PWWP2A: variants seen among roughly 807,000 people sequenced by gnomAD.
PWWP2A encodes PWWP domain-containing protein 2A.
PWWP2A carries 18 observed loss-of-function variants against 48.5 expected under a neutral mutation model. That is an observed-to-expected ratio of 0.37 (90% CI 0.26 to 0.55). The LOEUF (loss-of-function observed/expected upper bound fraction) is 0.55, where lower values mean the gene tolerates loss of function less well. PWWP2A is among the 20% of genes least tolerant of loss of function. PWWP2A has a pLI of 0.81. For synonymous variants in PWWP2A, 396 were observed against 387.7 expected, an observed-to-expected ratio of 1.02 and a Z score of -0.25; for missense variants, 867 against 976.4, an observed-to-expected ratio of 0.89 and a Z score of 1.49.
At position 160,093,301 on chromosome 5, in the gene PWWP2A, T is replaced by G. The variant is rs1167231183; in HGVS notation, c.1349A>C (p.Lys450Thr). 1 of 1,613,894 alleles carries G rather than the reference T, an allele frequency of 6.2e-7. No individual in the cohort carries two copies. The highest frequency in any genetic ancestry group is 1.7e-5 in the Admixed American group (1 of 60,000). ...GAAATGGACTTTTGAATGTGCATTT[T>G]TGGAAGTAGAGGTTTCATTTTGCTT... ...QKKQNETSTS[K>T]NAHSKVHFTR... Residue 450 changes from lysine to threonine, a missense_variant, in exon 2 of 2, where the codon AAA (lysine) becomes ACA (threonine). Physicochemically the swap from Lys to Thr is moderately conservative, Grantham distance 78. Transcript: ENST00000307063. This position sits in a 1 kb window ranked among gnomAD's most constrained non-coding sequence, Gnocchi z 5.8.
chr5:160,105,700 TTAAG>T, intron 1 of PWWP2A: 1 of 972,300 alleles, frequency 1.0e-6, no homozygotes, highest in South Asian at 4.8e-5. Flanking sequence ...GAGAAAAAGA[TTAAG>T]AAAGAGGTTA....
At chr5:160,099,609 CCA>C (rs1015584345) in intron 1 of PWWP2A, among the ~76,000 whole-genome samples, 7 of 151,918 alleles carry the variant, frequency 4.6e-5, no homozygotes, top group African/African-American at 1.7e-4. Context: ...GTGTGAGCCA[CCA>C]CAGTCGGCCC....
intron 1 of PWWP2A, among the ~76,000 whole-genome samples, chr5:160,117,648 C>G (rs898765673): frequency 6.7e-6 from 1 of 149,966 alleles, no homozygotes; most frequent in African/African-American, 2.5e-5. Context: ...CAGAGTGAGA[C>G]TCCGTCTCAA....
At chr5:160,088,540 G>A (rs1754823324), downstream of PWWP2A, among the ~76,000 whole-genome samples, 2 of 152,132 alleles carry the variant, frequency 1.3e-5, no homozygotes, top group South Asian at 2.1e-4. Flanking sequence ...ATGAGCTACC[G>A]TGCCCAGCCA....
the PWWP2A span, among the ~76,000 whole-genome samples, chr5:160,051,860 A>G: frequency 6.6e-6 from 1 of 152,236 alleles, no homozygotes; most frequent in Admixed American, 6.5e-5. Context: ...AAGATCTGCC[A>G]TGTATTTTCC....
chr5:160,046,105 T>C, the PWWP2A span, among the ~76,000 whole-genome samples: 1 of 152,278 alleles, frequency 6.6e-6, no homozygotes. Context: ...TGCTGTACCA[T>C]TTATCTGATC....
chr5:160,075,318 C>CT (rs1753842560), downstream of PWWP2A, among the ~76,000 whole-genome samples: 1 of 152,098 alleles, frequency 6.6e-6, no homozygotes, highest in Non-Finnish European at 1.5e-5. Flanking sequence ...TTCATGTACT[C>CT]TGGAATAACA....
At chr5:160,115,596 G>C (rs375521465) in intron 1 of PWWP2A, among the ~76,000 whole-genome samples, 4 of 151,952 alleles carry the variant, frequency 2.6e-5, no homozygotes, top group South Asian at 2.1e-4. Context: ...GGGAGGCTGA[G>C]GCAGGAGATT....
At chr5:160,095,125 C>A (rs1489539734) in intron 1 of PWWP2A, among the ~76,000 whole-genome samples, 1 of 138,572 alleles carries the variant, frequency 7.2e-6, no homozygotes, top group Non-Finnish European at 1.5e-5. Flanking sequence ...TAAATACACA[C>A]ACTTAAGCAA....
chr5:160,061,898 A>C (rs1338327806), exon 6 of PWWP2A: 2 of 152,368 alleles, frequency 1.3e-5, no homozygotes, highest in East Asian at 3.9e-4. Flanking sequence ...CCTGTGGAGG[A>C]GGAAAGGCCG....
intron 1 of PWWP2A, among the ~76,000 whole-genome samples, chr5:160,111,689 T>C (rs1166765789): frequency 6.6e-6 from 1 of 152,162 alleles, no homozygotes; most frequent in South Asian, 2.1e-4. Flanking sequence ...ATGCTTACTA[T>C]ATATCAAAAT....
downstream of PWWP2A, among the ~76,000 whole-genome samples, chr5:160,073,155 T>C (rs940915879): frequency 9.2e-5 from 14 of 152,114 alleles, no homozygotes; most frequent in Admixed American, 8.5e-4. Context: ...TCAAAGGTCA[T>C]TGATAGAACT....
At chr5:160,090,077 G>C (rs2113513722), downstream of PWWP2A, 1 of 985,274 alleles carries the variant, frequency 1.0e-6, no homozygotes, top group African/African-American at 1.7e-5. Context: ...TAAAACGAAG[G>C]GGTCATTTGG....
chr5:160,047,497 A>G, the PWWP2A span, among the ~76,000 whole-genome samples: 1 of 152,190 alleles, frequency 6.6e-6, no homozygotes, highest in South Asian at 2.1e-4. Flanking sequence ...TCTCATCTGG[A>G]CCACTGCATT....
At chr5:160,085,689 T>C (rs1403741954) in intron 2 of PWWP2A, among the ~76,000 whole-genome samples, 3 of 152,018 alleles carry the variant, frequency 2.0e-5, no homozygotes, top group Non-Finnish European at 2.9e-5. Flanking sequence ...GTATTTTTAA[T>C]AGAGACGGGG....
downstream of PWWP2A, chr5:160,090,652 A>G (rs1754987620): frequency 1.0e-6 from 1 of 983,928 alleles, no homozygotes; most frequent in Admixed American, 6.2e-5. Context: ...ACCTTAAGAA[A>G]GCTGACAAGA....
chr5:160,071,178 G>C (rs546068844), downstream of PWWP2A, among the ~76,000 whole-genome samples: 1 of 152,196 alleles, frequency 6.6e-6, no homozygotes, highest in African/African-American at 2.4e-5. Flanking sequence ...ATGAGACCCT[G>C]TCTCAAAAAG....
the PWWP2A span, among the ~76,000 whole-genome samples, chr5:160,048,681 A>G: frequency 2.0e-5 from 3 of 152,204 alleles, no homozygotes; most frequent in Admixed American, 2.0e-4. Flanking sequence ...ACCTAGAAAA[A>G]AGAGAATGAT....
chr5:160,081,359 C>T (rs542803385), intron 2 of PWWP2A, among the ~76,000 whole-genome samples: 12 of 151,732 alleles, frequency 7.9e-5, no homozygotes, highest in Non-Finnish European at 1.6e-4. Context: ...CTGCCTCAGC[C>T]TTCTGAGTAG....
Sources: gnomAD v4.1 joint callset for allele counts (sites outside exome capture counted in the v4.1 genomes callset) on GRCh38, gnomAD v4.1.1 for gene constraint, Gnocchi (gnomAD v3.1) non-coding constraint, MANE v1.5 for transcripts, NCBI Gene and HGNC (gene_info 2026-07-23, HGNC 2026-07-21) for gene names.